The following FBXW7 variants were observed in gnomAD, a reference collection of about 807,000 sequenced individuals.
FBXW7 encodes the protein F-box and WD repeat domain containing 7.
FBXW7 carries 11 observed loss-of-function variants against 86.3 expected under a neutral mutation model. The observed-to-expected ratio is 0.13, with a 90% CI of 0.08 to 0.21. FBXW7 has a LOEUF of 0.21. Ranked by LOEUF, FBXW7 falls within the 10% of genes least tolerant of loss-of-function variation. FBXW7 has a pLI of 1.00. For synonymous variants in FBXW7, 313 were observed against 297.9 expected (o/e 1.05, Z -0.52); for missense variants, 488 against 847.4 (o/e 0.58, Z 5.27).
rs546345487 is a variant in FBXW7 at position 152,440,081 on chromosome 4, C to G, written c.-119-27552G>C. Among the ~76,000 whole-genome samples, 23 of 152,240 alleles carry G rather than the reference C, an allele frequency of 1.5e-4. No homozygotes were observed. The East Asian group carries it at 2.5e-3, about 17-fold the overall frequency. ...ATAAAAAGGACTGGAGTGAGATATT[C>G]AAAATGAGTCAAAATTAGGCAATAA... On this transcript the variant is annotated intron_variant, in intron 2 of 13. Transcript: ENST00000281708.
intron 4 of FBXW7, among the ~76,000 whole-genome samples, chr4:152,408,682 C>T (rs1238302419): frequency 6.6e-6 from 1 of 152,160 alleles, no homozygotes; most frequent in Non-Finnish European, 1.5e-5. Context: ...GGCAGAGTCT[C>T]TGACTATGTT....
At chr4:152,460,189 A>T (rs1255855157) in intron 2 of FBXW7, among the ~76,000 whole-genome samples, 2 of 152,346 alleles carry the variant, frequency 1.3e-5, no homozygotes, top group South Asian at 4.1e-4. Context: ...CATTACTAAA[A>T]TTAAACAATA....
intron 7 of FBXW7, among the ~76,000 whole-genome samples, chr4:152,337,290 T>A (rs1730232312): frequency 6.6e-6 from 1 of 151,902 alleles, no homozygotes; most frequent in African/African-American, 2.4e-5. Flanking sequence ...TATACACATG[T>A]GAAATTATAA....
At position 152,536,010 on chromosome 4, in the gene FBXW7, G is replaced by GGCGGCAGCGGCA. The variant is rs1360600517; in HGVS notation, c.-1108_-1097dup. 7 of 225,476 alleles carry GGCGGCAGCGGCA rather than the reference G, an allele frequency of 3.1e-5. No homozygotes were observed. Among genetic ancestry groups the GGCGGCAGCGGCA allele is most frequent in the East Asian group, 1.0e-4 (1 of 10,012 alleles). 14.0% of individuals were successfully genotyped at this position (225,476 alleles called of 1,614,324 possible). Reference sequence around the variant, plus strand: ...CGCTCTCAGTCTCAGCGGCGGCGGCGGCGGCAGCGGCAGCGGCAGCGCCCG... The same window carrying GGCGGCAGCGGCA: ...CGCTCTCAGTCTCAGCGGCGGCGGCGGCGGCAGCGGCAGCGGCAGCGGCAGCGGCAGCGCCCG... On this transcript the variant is annotated 5_prime_UTR_variant, in exon 1 of 14. Transcript: ENST00000281708.
intron 2 of FBXW7, among the ~76,000 whole-genome samples, chr4:152,490,309 T>C (rs1009321457): frequency 6.6e-6 from 1 of 152,110 alleles, no homozygotes; most frequent in South Asian, 2.1e-4. Context: ...TATTTAAAAA[T>C]GGTTGAAATG....
chr4:152,477,294 G>A (rs1361600158), intron 2 of FBXW7, among the ~76,000 whole-genome samples: 1 of 152,108 alleles, frequency 6.6e-6, no homozygotes, highest in Non-Finnish European at 1.5e-5. Flanking sequence ...GTTCTAAGAA[G>A]GATCCAAATA....
At chr4:152,371,775 C>T (rs1454741269) in intron 4 of FBXW7, among the ~76,000 whole-genome samples, 1 of 151,940 alleles carries the variant, frequency 6.6e-6, no homozygotes, top group Non-Finnish European at 1.5e-5. Flanking sequence ...GTGCCTAGAA[C>T]TGGGCCTGGC....
intron 2 of FBXW7, among the ~76,000 whole-genome samples, chr4:152,466,657 T>G (rs1214297716): frequency 6.6e-6 from 1 of 151,824 alleles, no homozygotes; most frequent in Non-Finnish European, 1.5e-5. Flanking sequence ...TTAAAAATAA[T>G]CTGGGTTGGG....
chr4:152,421,711 T>C (rs1738956686), intron 2 of FBXW7, among the ~76,000 whole-genome samples: 1 of 152,160 alleles, frequency 6.6e-6, no homozygotes, highest in South Asian at 2.1e-4. Flanking sequence ...TTCTTTTCAC[T>C]TGAACACTTA....
At chr4:152,451,286 T>C (rs568318734) in intron 2 of FBXW7, among the ~76,000 whole-genome samples, 143 of 152,332 alleles carry the variant, frequency 9.4e-4, no homozygotes, top group African/African-American at 3.2e-3. Context: ...TAATTGCAAG[T>C]AACTGTCAAA....
intron 5 of FBXW7, among the ~76,000 whole-genome samples, chr4:152,349,542 T>C (rs1478416319): frequency 2.0e-5 from 3 of 151,898 alleles, no homozygotes; most frequent in Non-Finnish European, 4.4e-5. Context: ...ACTATTCTAC[T>C]GGTATAGAAA....
intron 4 of FBXW7, among the ~76,000 whole-genome samples, chr4:152,355,448 CA>C (rs1389986840): frequency 1.3e-5 from 2 of 151,988 alleles, no homozygotes; most frequent in Non-Finnish European, 2.9e-5. Context: ...GAAGGTCAAC[CA>C]AATAGCTAAG....
chr4:152,515,564 A>G (rs1748404579), intron 2 of FBXW7, among the ~76,000 whole-genome samples: 1 of 152,214 alleles, frequency 6.6e-6, no homozygotes, highest in African/African-American at 2.4e-5. Flanking sequence ...AATTATTACT[A>G]AATTCTGTAC....
chr4:152,346,560 A>G (rs1393368119), intron 6 of FBXW7, among the ~76,000 whole-genome samples: 2 of 152,194 alleles, frequency 1.3e-5, no homozygotes, highest in African/African-American at 2.4e-5. Flanking sequence ...ATTTTCAAGT[A>G]TATACTTCAG....
At chr4:152,490,451 C>T (rs1745736554) in intron 2 of FBXW7, among the ~76,000 whole-genome samples, 2 of 152,058 alleles carry the variant, frequency 1.3e-5, no homozygotes, top group South Asian at 4.1e-4. Flanking sequence ...CCAGGCATTA[C>T]ATATACTACC....
chr4:152,406,739 A>C (rs1737453655), intron 4 of FBXW7, among the ~76,000 whole-genome samples: 1 of 152,270 alleles, frequency 6.6e-6, no homozygotes, highest in African/African-American at 2.4e-5. Context: ...TTCAAAATTT[A>C]TGTCTATTTT....
chr4:152,404,966 C>T (rs1165019060), intron 4 of FBXW7, among the ~76,000 whole-genome samples: 7 of 151,812 alleles, frequency 4.6e-5, no homozygotes, highest in African/African-American at 1.5e-4. Flanking sequence ...GGTGGTGCCA[C>T]GAGTGGTCCC....
intron 4 of FBXW7, among the ~76,000 whole-genome samples, chr4:152,401,201 A>G (rs1202302495): frequency 6.6e-6 from 1 of 152,224 alleles, no homozygotes; most frequent in Admixed American, 6.5e-5. Flanking sequence ...ATTTACGCAA[A>G]GGAGTTAAAA....
intron 5 of FBXW7, among the ~76,000 whole-genome samples, chr4:152,349,304 T>A (rs1342060332): frequency 7.9e-6 from 1 of 126,122 alleles, no homozygotes; most frequent in Non-Finnish European, 1.6e-5. Flanking sequence ...AAAAATTCTG[T>A]TTTAAAGACC....
Sources: gnomAD v4.1 joint callset for allele counts (sites outside exome capture counted in the v4.1 genomes callset) on GRCh38, gnomAD v4.1.1 for gene constraint, MANE v1.5 for transcripts, NCBI Gene and HGNC (gene_info 2026-07-23, HGNC 2026-07-21) for gene names.